The following RASA3 variants were observed in gnomAD, a reference collection of about 807,000 sequenced individuals.
The protein encoded by RASA3 is RAS p21 protein activator 3.
In RASA3, 73 loss-of-function variants were observed where a neutral mutation model predicts 110.0. That is an observed-to-expected ratio of 0.66 (90% CI 0.55 to 0.81). RASA3 has a LOEUF of 0.81. RASA3 is among the 30% of genes least tolerant of loss of function. The pLI is 0.00. For missense variants in RASA3, 976 were observed against 1,113.2 expected (o/e 0.88, Z 1.75); for synonymous variants, 500 against 451.4 (o/e 1.11, Z -1.37).
At chr13:114,093,382 A>G (rs1268047283) in intron 1 of RASA3, among the ~76,000 whole-genome samples, 1 of 152,154 alleles carries the variant, frequency 6.6e-6, no homozygotes, top group Non-Finnish European at 1.5e-5. Flanking sequence ...TGAATATATC[A>G]TCCCACTCCC....
intron 1 of RASA3, among the ~76,000 whole-genome samples, chr13:114,130,522 C>T (rs1217058090): frequency 5.9e-5 from 9 of 152,226 alleles, no homozygotes; most frequent in Admixed American, 3.9e-4. Flanking sequence ...GAGGGATCCT[C>T]CAGGGTGCCT....
chr13:114,073,626 A>G (rs1183683793), intron 2 of RASA3, 94 bp downstream of exon 2: 3 of 1,056,230 alleles, frequency 2.8e-6, no homozygotes, highest in African/African-American at 3.1e-5. Context: ...CGTTCTCCAC[A>G]CATGGGAAAA....
At chr13:114,037,088 G>A (rs975883178) in intron 4 of RASA3, among the ~76,000 whole-genome samples, 47 of 152,206 alleles carry the variant, frequency 3.1e-4, no homozygotes, top group Non-Finnish European at 4.3e-4. Flanking sequence ...GTGAGAGTCA[G>A]GCTTGGAGGA....
chr13:114,007,589 C>G lies in RASA3; in HGVS notation c.1686G>C (p.Ser562=). 1 of 1,613,142 alleles carries G rather than the reference C, an allele frequency of 6.2e-7. No homozygotes were observed. Among genetic ancestry groups the G allele is most frequent in the Non-Finnish European group, 8.5e-7 (1 of 1,179,578 alleles). The change falls in exon 18 of 24, where the codon TCG becomes TCC. Residue 562 remains serine (S), a synonymous_variant. Transcript: ENST00000334062. ...DAVKNFLDLI[S]SSGRRDPKSV... The stretch of plus-strand genomic sequence containing the variant: ...TCTTGGGGTCTCTTCTCCCCGAGGA[C>G]GAAATCAGATCCAAGAACTAAAGTT...
chr13:113,993,579 A>G (rs1313056704), intron 21 of RASA3, among the ~76,000 whole-genome samples: 3 of 151,758 alleles, frequency 2.0e-5, no homozygotes, highest in Non-Finnish European at 4.4e-5. Context: ...AGGCCGAGGC[A>G]GGTGGATCAT....
intron 14 of RASA3, 54 bp from the exon 15 acceptor site, chr13:114,013,302 G>C (rs2053682222): frequency 2.6e-5 from 36 of 1,381,926 alleles, no homozygotes; most frequent in Non-Finnish European, 3.4e-5. Context: ...TGGCCTCGTG[G>C]GGACACCATG....
chr13:114,020,708 G>A (rs1285645928), intron 9 of RASA3, among the ~76,000 whole-genome samples: 1 of 152,200 alleles, frequency 6.6e-6, no homozygotes, highest in African/African-American at 2.4e-5. Flanking sequence ...GGAGACAACA[G>A]GAAAGAAAGG....
At chr13:114,026,022 CG>C (rs1333251779) in intron 7 of RASA3, among the ~76,000 whole-genome samples, 1 of 152,234 alleles carries the variant, frequency 6.6e-6, no homozygotes, top group African/African-American at 2.4e-5. Context: ...CAGCGAGGTC[CG>C]GGCCTTCCCT....
intron 22 of RASA3, among the ~76,000 whole-genome samples, chr13:113,990,025 T>C (rs1397183790): frequency 2.0e-5 from 3 of 152,136 alleles, no homozygotes; most frequent in Non-Finnish European, 2.9e-5. Flanking sequence ...GTTCTCGTGA[T>C]AGTGAGTTCT....
intron 4 of RASA3, among the ~76,000 whole-genome samples, chr13:114,034,296 G>A (rs2054238754): frequency 6.6e-6 from 1 of 152,262 alleles, no homozygotes; most frequent in Non-Finnish European, 1.5e-5. Flanking sequence ...TCTCAGGACA[G>A]AAGCGTTCAG....
Position 114,011,099 on chromosome 13 carries a change from T to C in RASA3, c.1590+72A>G. On this transcript the variant is annotated intron_variant, in intron 16 of 23. Transcript: ENST00000334062. This position sits in a 1 kb window ranked among gnomAD's most constrained non-coding sequence, Gnocchi z 4.8. ...GACTCTCTCAAATGTGGGAGGTTTT[T>C]CACGTGTATTTTCTGAAGAGAGAAA... 1.5e-6 allele frequency: 2 copies of C among 1,364,136 alleles called. No homozygotes were observed. The highest frequency in any genetic ancestry group is 2.3e-5 in the East Asian group (1 of 42,936). 84.5% of individuals were successfully genotyped at this position (1,364,136 alleles called of 1,614,324 possible). A position where few individuals can be genotyped will look rare whatever the true frequency, so the allele number is the denominator to read the frequency against.
rs956995175 is a variant in RASA3, at chr13:114,074,440, C to T, written c.56-603G>A. Among the ~76,000 whole-genome samples the T allele has an allele frequency of 5.9e-5, 9 of 152,236 alleles. No homozygotes were observed. The South Asian group carries it at 8.3e-4, about 14-fold the overall frequency. The stretch of plus-strand genomic sequence containing the variant: ...CCTCCAGGGTGGCCCCTGCTGTGGC[C>T]GCTGACTGGATTCCCTTCTATTTTA... On this transcript the variant is annotated intron_variant, in intron 1 of 23. Transcript: ENST00000334062.
intron 14 of RASA3, among the ~76,000 whole-genome samples, chr13:114,013,774 C>A (rs2053709538): frequency 1.3e-5 from 2 of 150,360 alleles, no homozygotes; most frequent in African/African-American, 2.5e-5. Context: ...CTCTGTCTCT[C>A]TCCCTCTCTG....
rs1207229216 is a variant in RASA3, at chr13:114,048,184, G to A, written c.277+3868C>T. On this transcript the variant is annotated intron_variant, in intron 3 of 23. Transcript: ENST00000334062. This position sits in a 1 kb window ranked among gnomAD's most constrained non-coding sequence, Gnocchi z 4.3. ...CAAAAAATTAGCCGGGCGTGGTGGC[G>A]GGCGCCTGTAGTCCCAGCTACTCGG... is the stretch of plus-strand genomic sequence containing the variant. Among the ~76,000 whole-genome samples, 1 of 152,164 alleles carries A rather than the reference G, an allele frequency of 6.6e-6. No homozygotes were observed. Among genetic ancestry groups the A allele is most frequent in the African/African-American group, 2.4e-5 (1 of 41,516 alleles).
chr13:114,098,344 A>T (rs117083540), intron 1 of RASA3, among the ~76,000 whole-genome samples: 9,005 of 152,278 alleles, frequency 0.059, 309 homozygotes, highest in Middle Eastern at 0.13. Context: ...GCGGGTCAGC[A>T]GGCGCTAAGG....
intron 1 of RASA3, among the ~76,000 whole-genome samples, chr13:114,093,735 ATTTCT>A (rs1481815260): frequency 2.7e-5 from 4 of 150,552 alleles, no homozygotes; most frequent in Non-Finnish European, 5.9e-5. Context: ...AGCTTTCTTC[ATTTCT>A]TTTCATTTTT....
chr13:114,050,884 G>A (rs917361880), intron 3 of RASA3, among the ~76,000 whole-genome samples: 25 of 152,246 alleles, frequency 1.6e-4, no homozygotes, highest in African/African-American at 5.5e-4. Flanking sequence ...CCAAGCACTG[G>A]GAATGGATCA....
Position 113,979,335 on chromosome 13 carries a change from G to A in RASA3, c.*12C>T, listed in dbSNP as rs369333389. The A allele has an allele frequency of 1.1e-5, 18 of 1,576,884 alleles. No homozygotes were observed. Among genetic ancestry groups the A allele is most frequent in the Admixed American group, 1.7e-5 (1 of 59,954 alleles). ...GCAGCTTGCTGGCGCCACTGGGCGC[G>A]TCCCGCAGACTTTAAATGGAATGAG... On this transcript the variant is annotated 3_prime_UTR_variant, in exon 24 of 24. Coordinates refer to ENST00000334062, the MANE Select transcript of RASA3 (RefSeq NM_007368.4).
intron 4 of RASA3, among the ~76,000 whole-genome samples, chr13:114,030,997 G>GCACA (rs2054155739): frequency 6.6e-6 from 1 of 150,658 alleles, no homozygotes; most frequent in Non-Finnish European, 1.5e-5. Flanking sequence ...GCCTGTGTGT[G>GCACA]CGGCTGTGTG....
Sources: gnomAD v4.1 joint callset for allele counts (sites outside exome capture counted in the v4.1 genomes callset) on GRCh38, gnomAD v4.1.1 for gene constraint, Gnocchi (gnomAD v3.1) non-coding constraint, MANE v1.5 for transcripts, NCBI Gene and HGNC (gene_info 2026-07-23, HGNC 2026-07-21) for gene names.